Variants in CFAP92 observed in about 807,000 individuals in gnomAD.
The protein encoded by CFAP92 is cilia and flagella associated protein 92 (putative), also known as uncharacterized protein CFAP92.
A neutral mutation model predicts 106.3 loss-of-function variants in CFAP92; 86 were observed. The ratio of observed to expected loss-of-function variants is 0.81; its 90% CI spans 0.68 to 0.97. The LOEUF (loss-of-function observed/expected upper bound fraction) is 0.97. Among genes scored for constraint, CFAP92 ranks in the 50% least tolerant of loss-of-function variants. The probability of loss-of-function intolerance (pLI) is 0.00; values close to 1 mark genes in which losing one functional copy is unlikely to be tolerated. For missense variants in CFAP92, 1,204 were observed against 1,283.8 expected, an observed-to-expected ratio of 0.94 and a Z score of 0.95; for synonymous variants, 477 against 506.4, an observed-to-expected ratio of 0.94 and a Z score of 0.78.
At chr3:128,993,366 G>A (rs1360182539) in intron 1 of CFAP92, 30 bp from the exon 2 acceptor site, 14 of 1,548,436 alleles carry the variant, frequency 9.0e-6, no homozygotes, top group South Asian at 1.2e-5. Context: ...GGCTGTCCCC[G>A]CCTGTATTCC....
chr3:128,915,771 G>C (rs1936763564), intron 13 of CFAP92, among the ~76,000 whole-genome samples: 5 of 152,198 alleles, frequency 3.3e-5, no homozygotes, highest in Admixed American at 3.3e-4. Flanking sequence ...AAGTTAATAT[G>C]TGCTGGAAGC....
chr3:129,007,189 C>T (rs538867465), upstream of CFAP92, among the ~76,000 whole-genome samples: 33 of 152,292 alleles, frequency 2.2e-4, no homozygotes, highest in African/African-American at 7.5e-4. Flanking sequence ...CCAGAAACAT[C>T]GGCCGGACAT....
At chr3:128,944,205 T>A (rs543559717) in intron 10 of CFAP92, among the ~76,000 whole-genome samples, 2 of 152,320 alleles carry the variant, frequency 1.3e-5, no homozygotes, top group African/African-American at 4.8e-5. Context: ...AGTGCTGGGA[T>A]TACAGGCGTG....
Position 129,001,757 on chromosome 3 carries a change from C to T in CFAP92, n.117+817G>A, listed in dbSNP as rs754537184. 1,532 of 1,541,662 alleles carry T rather than the reference C, an allele frequency of 9.9e-4. 2 individuals are homozygous for T. The highest frequency in any genetic ancestry group is 1.2e-3 in the Non-Finnish European group (1,430 of 1,145,134). On this transcript the variant is annotated intron_variant and non_coding_transcript_variant, in intron 1 of 4. Transcript: ENST00000510149. ...CGCACCACTACGGGCTGGACCGCGG[C>T]GTGGAGAACGAGATCGTGGTGCTGG...
chr3:128,979,142 T>A (rs1326337476), intron 4 of CFAP92, among the ~76,000 whole-genome samples: 1 of 152,202 alleles, frequency 6.6e-6, no homozygotes, highest in Non-Finnish European at 1.5e-5. Flanking sequence ...GCAAAGGATA[T>A]GAACAGACAC....
At chr3:128,942,123 GC>G in intron 10 of CFAP92, among the ~76,000 whole-genome samples, 1 of 152,254 alleles carries the variant, frequency 6.6e-6, no homozygotes. Flanking sequence ...TTCTGAGACC[GC>G]CCTCTGGTTT....
chr3:128,942,766 C>T (rs543914547), intron 10 of CFAP92, among the ~76,000 whole-genome samples: 2 of 151,552 alleles, frequency 1.3e-5, no homozygotes, highest in East Asian at 1.9e-4. Flanking sequence ...CCTCCGCCCA[C>T]GGGTTCAAGC....
chr3:128,929,809 T>C (rs1299029159), intron 12 of CFAP92, among the ~76,000 whole-genome samples: 2 of 152,214 alleles, frequency 1.3e-5, no homozygotes, highest in Non-Finnish European at 2.9e-5. Context: ...AGAATACTTT[T>C]TGTGGTGATG....
upstream of CFAP92, among the ~76,000 whole-genome samples, chr3:129,004,243 T>C (rs923284485): frequency 6.6e-6 from 1 of 152,190 alleles, no homozygotes; most frequent in African/African-American, 2.4e-5. Flanking sequence ...TTTCTTAAGT[T>C]ATAAGTCTGC....
rs545940431 is a variant in CFAP92, at chr3:128,972,575, C to T, written c.1022-1142G>A. ...CTTTTTTTTAAGAGGTGATGTTTCGCCCGAGTGTGGTAACTCACTCCTGTA... is the reference window on the plus strand; with the variant it reads ...CTTTTTTTTAAGAGGTGATGTTTCGTCCGAGTGTGGTAACTCACTCCTGTA... On this transcript the variant is annotated intron_variant, in intron 7 of 15. Coordinates refer to ENST00000645291, the MANE Select transcript of CFAP92 (RefSeq NM_001394090.1). 2.6e-5 allele frequency among the ~76,000 whole-genome samples: 4 copies of T among 151,506 alleles called. No individual in the cohort carries two copies. The South Asian group carries it at 8.4e-4, about 32-fold the overall frequency.
chr3:129,018,482 A>G, the CFAP92 span, among the ~76,000 whole-genome samples: 1 of 152,250 alleles, frequency 6.6e-6, no homozygotes, highest in African/African-American at 2.4e-5. Context: ...ACTTGTTTAC[A>G]TATTTTCTGG....
chr3:128,965,818 T>TAA (rs544351977), intron 8 of CFAP92, 123 bp from the exon 9 acceptor site: 13 of 332,010 alleles, frequency 3.9e-5, no homozygotes, highest in African/African-American at 4.5e-5. Context: ...AAACTTTAAT[T>TAA]AAAAAAAAAA....
At chr3:128,980,258 T>C (rs1943442898) in intron 4 of CFAP92, among the ~76,000 whole-genome samples, 1 of 150,278 alleles carries the variant, frequency 6.7e-6, no homozygotes, top group Non-Finnish European at 1.5e-5. Context: ...TTCCAGCTAC[T>C]CGGGAGGCTG....
chr3:128,961,363 C>T (rs1035814792), intron 9 of CFAP92, among the ~76,000 whole-genome samples: 2 of 152,126 alleles, frequency 1.3e-5, no homozygotes, highest in East Asian at 3.9e-4. Flanking sequence ...TCTTTCTAAT[C>T]TTCCTTTTCT....
At chr3:129,010,381 G>A in the CFAP92 span, among the ~76,000 whole-genome samples, 2 of 152,256 alleles carry the variant, frequency 1.3e-5, no homozygotes, top group Non-Finnish European at 2.9e-5. The surrounding 1 kb of genome is among the most constrained non-coding windows in gnomAD (Gnocchi z 4.3). Context: ...ACTGGGCAGG[G>A]GCTGGTGCCC....
At chr3:128,940,047 TCAC>T (rs749977701) in intron 10 of CFAP92, among the ~76,000 whole-genome samples, 12 of 152,184 alleles carry the variant, frequency 7.9e-5, no homozygotes, top group Non-Finnish European at 1.6e-4. Context: ...ATAAATTGAA[TCAC>T]GTCATATGTG....
chr3:128,987,523 T>C (rs907728939), intron 4 of CFAP92, 93 bp downstream of exon 4: 123 of 1,108,736 alleles, frequency 1.1e-4, no homozygotes, highest in Middle Eastern at 2.2e-4. Context: ...ACATGCCAAT[T>C]AGATGAAGGA....
the CFAP92 span, among the ~76,000 whole-genome samples, chr3:129,017,210 G>A: frequency 3.3e-5 from 5 of 152,222 alleles, no homozygotes; most frequent in Non-Finnish European, 7.3e-5. Flanking sequence ...TTGAGGCTTC[G>A]TGAAGGCGGC....
At chr3:129,003,784 G>T, upstream of CFAP92, 1 of 1,435,710 alleles carries the variant, frequency 7.0e-7, no homozygotes, top group Non-Finnish European at 9.1e-7. Context: ...CTGCTGCCCT[G>T]TCCCCGCAGG....
Sources: gnomAD v4.1 joint callset for allele counts (sites outside exome capture counted in the v4.1 genomes callset) on GRCh38, gnomAD v4.1.1 for gene constraint, Gnocchi (gnomAD v3.1) non-coding constraint, MANE v1.5 for transcripts, NCBI Gene and HGNC (gene_info 2026-07-23, HGNC 2026-07-21) for gene names.